The following CEP63 variants were observed in gnomAD, a reference collection of about 807,000 sequenced individuals.
The protein encoded by CEP63 is centrosomal protein of 63 kDa.
CEP63 carries 84 observed loss-of-function variants against 89.1 expected under a neutral mutation model. That is an observed-to-expected ratio of 0.94 (90% CI 0.79 to 1.13). The LOEUF (loss-of-function observed/expected upper bound fraction) is 1.13, where lower values mean the gene tolerates loss of function less well. Among genes scored for constraint, CEP63 ranks in the 50% most tolerant of loss-of-function variants. CEP63 has a pLI of 0.00. For missense variants in CEP63, 838 were observed against 813.3 expected, an observed-to-expected ratio of 1.03 and a Z score of -0.37; for synonymous variants, 267 against 272.5, an observed-to-expected ratio of 0.98 and a Z score of 0.20.
the CEP63 span, chr3:134,615,196 A>C: frequency 6.6e-6 from 1 of 152,512 alleles, no homozygotes; most frequent in Admixed American, 6.5e-5. Context: ...CCCCATGCAG[A>C]ACCTCATGAG....
chr3:134,691,609 T>A, the CEP63 span, among the ~76,000 whole-genome samples: 1 of 151,848 alleles, frequency 6.6e-6, no homozygotes, highest in South Asian at 2.1e-4. Context: ...CAGAGAGAGA[T>A]CTTGTCTCAA....
chr3:134,682,156 T>C, the CEP63 span, among the ~76,000 whole-genome samples: 1 of 152,188 alleles, frequency 6.6e-6, no homozygotes, highest in Non-Finnish European at 1.5e-5. Flanking sequence ...TATCTCCCAT[T>C]ACACCTGATA....
intron 10 of CEP63, among the ~76,000 whole-genome samples, chr3:134,584,956 G>GTTTTTTTTTTTGTTTTTTTTTT (rs1553799204): frequency 2.8e-5 from 1 of 36,034 alleles, no homozygotes; most frequent in Non-Finnish European, 5.7e-5. Flanking sequence ...ATTTTCTAGG[G>GTTTTTTTTTTTGTTTTTTTTTT]TTTTTTTTTT....
chr3:134,550,158 G>T lies in CEP63; in HGVS notation c.1278G>T (p.Gln426His), dbSNP rs1243257113. Residue 426 changes from glutamine (Q) to histidine (H), a missense_variant, in exon 11 of 15, where the codon CAG becomes CAT. Gln to His is a conservative substitution (Grantham distance 24). Transcript: ENST00000675561. ...EISHLTQELH[Q>H]RDITIASTKG... is the part of the protein sequence containing the mutation. The stretch of plus-strand genomic sequence containing the variant: ...CCCATCTAACTCAGGAGTTACATCA[G>T]CGAGATATCACTATTGCTTCCACCA... 6.2e-7 allele frequency: 1 copy of T among 1,613,994 alleles called. No homozygotes were observed. Among genetic ancestry groups the T allele is most frequent in the Non-Finnish European group, 8.5e-7 (1 of 1,179,894 alleles).
chr3:134,600,948 T>G, the CEP63 span: 1 of 152,142 alleles, frequency 6.6e-6, no homozygotes, highest in Non-Finnish European at 1.5e-5. Flanking sequence ...CATTTTCAAG[T>G]TCTGCGAAAA....
At chr3:134,528,002 G>A (rs905365408) in intron 3 of CEP63, among the ~76,000 whole-genome samples, 7 of 152,168 alleles carry the variant, frequency 4.6e-5, no homozygotes, top group African/African-American at 1.7e-4. Flanking sequence ...CATATCAGCT[G>A]GCTTGCTGCC....
At chr3:134,779,815 C>T in the CEP63 span, 3 of 152,140 alleles carry the variant, frequency 2.0e-5, no homozygotes, top group Non-Finnish European at 2.9e-5. Flanking sequence ...CCTGAAGGAC[C>T]GTGAGGATCA....
At chr3:134,734,308 C>T in the CEP63 span, among the ~76,000 whole-genome samples, 5 of 152,018 alleles carry the variant, frequency 3.3e-5, no homozygotes, top group Non-Finnish European at 7.4e-5. Context: ...AACAAGCAGA[C>T]CACTGATACA....
the CEP63 span, among the ~76,000 whole-genome samples, chr3:134,654,847 C>T: frequency 2.6e-5 from 4 of 151,904 alleles, no homozygotes; most frequent in African/African-American, 9.7e-5. Flanking sequence ...TTCCTGGGTA[C>T]CCCAGTCCTT....
chr3:134,604,450 A>G, the CEP63 span: 30 of 1,609,526 alleles, frequency 1.9e-5, no homozygotes, highest in Non-Finnish European at 1.1e-5. Flanking sequence ...GCAGCTCTCA[A>G]TGGTGACCGT....
chr3:134,486,857 G>A (rs956556787), intron 1 of CEP63: 4 of 152,260 alleles, frequency 2.6e-5, no homozygotes, highest in African/African-American at 7.2e-5. Context: ...ACAAATGAGG[G>A]ATAGAAAGAA....
the CEP63 span, among the ~76,000 whole-genome samples, chr3:134,774,195 C>A: frequency 2.6e-5 from 4 of 152,180 alleles, no homozygotes; most frequent in African/African-American, 9.6e-5. Flanking sequence ...GATGTGGCTC[C>A]CCTCCTCACC....
chr3:134,615,062 G>C, the CEP63 span: 1 of 152,124 alleles, frequency 6.6e-6, no homozygotes, highest in South Asian at 2.1e-4. Flanking sequence ...TTATGTACTT[G>C]ATTTCTTATA....
In CEP63 at chr3:134,551,970, T is replaced by G. The variant is rs944774559; in HGVS notation, c.1425T>G (p.His475Gln). The G allele has an allele frequency of 6.2e-7, 1 of 1,609,346 alleles. No homozygotes were observed. The highest frequency in any genetic ancestry group is 1.3e-5 in the African/African-American group (1 of 74,794). Residue 475 changes from histidine (H) to glutamine (Q), a missense_variant, in exon 12 of 15, where the codon CAT becomes CAG. Coordinates refer to ENST00000675561, the MANE Select transcript of CEP63 (RefSeq NM_001353108.3). ...AGTCACTCAAATTAGAAAATCGTCA[T>G]CTTTCTGAAATGGTGATGAAATTGG... ...QLESLKLENR[H>Q]LSEMVMKLEL...
chr3:134,495,049 T>C (rs1200078715), intron 1 of CEP63, among the ~76,000 whole-genome samples: 2 of 152,202 alleles, frequency 1.3e-5, no homozygotes, highest in African/African-American at 4.8e-5. Flanking sequence ...AATGAGATAT[T>C]TGATATTTAC....
downstream of CEP63, among the ~76,000 whole-genome samples, chr3:134,576,351 G>T (rs987439990): frequency 6.6e-6 from 1 of 152,162 alleles, no homozygotes; most frequent in Non-Finnish European, 1.5e-5. Context: ...CCTCATCTTA[G>T]AAGACTGAGT....
At chr3:134,733,202 G>A in the CEP63 span, among the ~76,000 whole-genome samples, 2 of 152,090 alleles carry the variant, frequency 1.3e-5, no homozygotes, top group East Asian at 3.8e-4. Flanking sequence ...AAACTCCCTT[G>A]AAAAGACAGA....
chr3:134,524,370 C>A (rs1419893850), intron 3 of CEP63, among the ~76,000 whole-genome samples: 1 of 152,190 alleles, frequency 6.6e-6, no homozygotes, highest in East Asian at 1.9e-4. Context: ...ATTTGGATGC[C>A]CTTTATTTCT....
the CEP63 span, among the ~76,000 whole-genome samples, chr3:134,782,216 A>G: frequency 6.6e-6 from 1 of 152,208 alleles, no homozygotes; most frequent in Admixed American, 6.5e-5. Flanking sequence ...CAATCCTGGG[A>G]CAAGGATTAT....
Sources: gnomAD v4.1 joint callset for allele counts (sites outside exome capture counted in the v4.1 genomes callset) on GRCh38, gnomAD v4.1.1 for gene constraint, MANE v1.5 for transcripts, NCBI Gene and HGNC (gene_info 2026-07-23, HGNC 2026-07-21) for gene names.